STK32B: variants seen among roughly 807,000 people sequenced by gnomAD.
The protein encoded by STK32B is serine/threonine kinase 32B.
STK32B carries 43 observed loss-of-function variants against 52.6 expected under a neutral mutation model. The ratio of observed to expected loss-of-function variants is 0.82; its 90% confidence interval spans 0.64 to 1.05. STK32B has a LOEUF of 1.05. Ranked by LOEUF, STK32B falls within the 50% of genes least tolerant of loss-of-function variation. STK32B has a pLI of 0.00. For synonymous variants in STK32B, 238 were observed against 204.3 expected, an observed-to-expected ratio of 1.17 and a Z score of -1.41; for missense variants, 621 against 534.6, an observed-to-expected ratio of 1.16 and a Z score of -1.59.
At chr4:5,407,014 A>T (rs1381416330) in intron 5 of STK32B, among the ~76,000 whole-genome samples, 1 of 152,144 alleles carries the variant, frequency 6.6e-6, no homozygotes, top group Non-Finnish European at 1.5e-5. Context: ...CCATTTACAT[A>T]TAAGTTCCAT....
chr4:5,416,996 T>TAAG, intron 6 of STK32B, 62 bp downstream of exon 6: 1 of 1,463,720 alleles, frequency 6.8e-7, no homozygotes, highest in Non-Finnish European at 9.3e-7. Flanking sequence ...CTCAGCATCC[T>TAAG]TCTCTTGTTT....
intron 3 of STK32B, among the ~76,000 whole-genome samples, chr4:5,298,424 G>T (rs1241722238): frequency 6.6e-6 from 1 of 152,136 alleles, no homozygotes; most frequent in Non-Finnish European, 1.5e-5. Context: ...CAGGGAGATG[G>T]AGGTTTTATC....
the STK32B span, among the ~76,000 whole-genome samples, chr4:5,040,044 C>G: frequency 6.6e-6 from 1 of 152,172 alleles, no homozygotes; most frequent in East Asian, 1.9e-4. Context: ...CCCAGCAGGT[C>G]TTCAGGTGGT....
chr4:5,246,259 G>A lies in STK32B; in HGVS notation c.260+77809G>A, dbSNP rs577151021. On this transcript the variant is annotated intron_variant, in intron 3 of 11. Transcript: ENST00000282908. ...TCACATAGTCCCATATTTCTTGGAA[G>A]CTTTGTTCATTTCTTTTTATTCTTT... Among the ~76,000 whole-genome samples, 212 of 152,194 alleles carry A rather than the reference G, an allele frequency of 1.4e-3. 1 individual carries two copies. Among genetic ancestry groups the A allele is most frequent in the Non-Finnish European group, 2.8e-3 (189 of 68,026 alleles).
At chr4:5,321,271 A>T (rs1016763436) in intron 3 of STK32B, among the ~76,000 whole-genome samples, 1 of 150,948 alleles carries the variant, frequency 6.6e-6, no homozygotes, top group Non-Finnish European at 1.5e-5. Context: ...CAATGGTATT[A>T]AAAAAAAAGC....
intron 1 of STK32B, among the ~76,000 whole-genome samples, chr4:5,099,089 A>C (rs1354493011): frequency 6.6e-6 from 1 of 152,154 alleles, no homozygotes. Context: ...GAACCTATTC[A>C]TTGGTTTTTC....
chr4:5,039,934 A>G, the STK32B span, among the ~76,000 whole-genome samples: 1 of 152,214 alleles, frequency 6.6e-6, no homozygotes, highest in African/African-American at 2.4e-5. Context: ...CAGAGGCAGT[A>G]GGCGGTCCAG....
intron 4 of STK32B, among the ~76,000 whole-genome samples, chr4:5,348,512 G>A (rs377610790): frequency 6.6e-6 from 1 of 152,194 alleles, no homozygotes; most frequent in African/African-American, 2.4e-5. Flanking sequence ...CCGACCTCTA[G>A]TAGAGGGGTG....
intron 3 of STK32B, among the ~76,000 whole-genome samples, chr4:5,328,877 C>G (rs922608584): frequency 1.1e-4 from 16 of 152,128 alleles, no homozygotes; most frequent in African/African-American, 3.1e-4. Context: ...GGGGGAGGAG[C>G]ATGGATGAGG....
At chr4:5,205,325 C>G (rs146679869) in intron 3 of STK32B, among the ~76,000 whole-genome samples, 1 of 152,326 alleles carries the variant, frequency 6.6e-6, no homozygotes, top group East Asian at 1.9e-4. Context: ...GCAGTACAAT[C>G]TCCATAATCC....
At chr4:5,095,484 A>C (rs1209266219) in intron 1 of STK32B, among the ~76,000 whole-genome samples, 1 of 152,106 alleles carries the variant, frequency 6.6e-6, no homozygotes, top group Admixed American at 6.5e-5. Flanking sequence ...GCGTGGTGGC[A>C]CATGCCTGTA....
At chr4:5,342,588 A>G (rs1733159594) in intron 4 of STK32B, among the ~76,000 whole-genome samples, 1 of 152,178 alleles carries the variant, frequency 6.6e-6, no homozygotes, top group African/African-American at 2.4e-5. Flanking sequence ...AGATGGTGCT[A>G]AACCATTCAT....
At chr4:5,031,413 A>G in the STK32B span, among the ~76,000 whole-genome samples, 1 of 152,094 alleles carries the variant, frequency 6.6e-6, no homozygotes, top group Non-Finnish European at 1.5e-5. Flanking sequence ...TCTGGGCAAC[A>G]TAGTAAGACA....
intron 3 of STK32B, among the ~76,000 whole-genome samples, chr4:5,305,560 G>T (rs1418242732): frequency 1.3e-5 from 2 of 151,750 alleles, no homozygotes; most frequent in Non-Finnish European, 1.5e-5. Context: ...CTCCCATTTC[G>T]TTTCTAATTG....
chr4:5,111,694 C>G (rs1255370804), intron 1 of STK32B, among the ~76,000 whole-genome samples: 1 of 151,936 alleles, frequency 6.6e-6, no homozygotes. Context: ...AAGCCCAACC[C>G]CTGTCATTAT....
chr4:5,410,425 T>G (rs1278777507), intron 5 of STK32B, among the ~76,000 whole-genome samples: 1 of 152,236 alleles, frequency 6.6e-6, no homozygotes, highest in Admixed American at 6.5e-5. Context: ...GATGACCGTG[T>G]GTAGTTTCCC....
intron 4 of STK32B, among the ~76,000 whole-genome samples, chr4:5,367,873 T>A (rs1734976890): frequency 6.6e-6 from 1 of 152,078 alleles, no homozygotes; most frequent in South Asian, 2.1e-4. Flanking sequence ...AAAACTCCAA[T>A]CTCATATAAG....
chr4:5,298,969 T>A (rs992162353), intron 3 of STK32B, among the ~76,000 whole-genome samples: 5 of 152,056 alleles, frequency 3.3e-5, no homozygotes, highest in Non-Finnish European at 5.9e-5. Flanking sequence ...GGAAAAACTA[T>A]GGGAAAAGCA....
At position 5,461,743 on chromosome 4, in the gene STK32B, G is replaced by A. The variant is rs552924028; in HGVS notation, c.909+1515G>A. Among the ~76,000 whole-genome samples, 103 of 152,302 alleles carry A rather than the reference G, an allele frequency of 6.8e-4. 1 individual carries two copies. The highest frequency in any genetic ancestry group is 3.4e-3 in the Middle Eastern group (1 of 294). ...CAGACAGGCTATGGAATGGCAGGTC[G>A]CACAGGGCTTCGTCCTTCATTCTTC... On this transcript the variant is annotated intron_variant, in intron 9 of 11. Coordinates refer to ENST00000282908, the MANE Select transcript of STK32B (RefSeq NM_018401.3).
Sources: gnomAD v4.1 joint callset for allele counts (sites outside exome capture counted in the v4.1 genomes callset) on GRCh38, gnomAD v4.1.1 for gene constraint, MANE v1.5 for transcripts, NCBI Gene and HGNC (gene_info 2026-07-23, HGNC 2026-07-21) for gene names.